PARD3B: variants seen among roughly 807,000 people sequenced by gnomAD.
The protein encoded by PARD3B is partitioning defective 3 homolog B.
Under a neutral mutation model 130.2 loss-of-function variants are expected in PARD3B, and 103 were observed. The observed-to-expected ratio is 0.79, with a 90% CI of 0.67 to 0.93. The LOEUF (loss-of-function observed/expected upper bound fraction) is 0.93. Among genes scored for constraint, PARD3B ranks in the 40% least tolerant of loss-of-function variants. The probability of loss-of-function intolerance (pLI) is 0.00; values close to 1 mark genes in which losing one functional copy is unlikely to be tolerated. For synonymous variants in PARD3B, 583 were observed against 553.2 expected (o/e 1.05, Z -0.76); for missense variants, 1,609 against 1,499.2 (o/e 1.07, Z -1.21).
At chr2:205,113,726 G>T (rs1025333214) in intron 6 of PARD3B, 149 bp downstream of exon 6, 1 of 526,062 alleles carries the variant, frequency 1.9e-6, no homozygotes, top group Non-Finnish European at 3.3e-6. Flanking sequence ...CCACTTAAGT[G>T]TTGGAAACAA....
intron 18 of PARD3B, among the ~76,000 whole-genome samples, chr2:205,396,770 G>A: frequency 6.6e-6 from 1 of 152,152 alleles, no homozygotes; most frequent in Non-Finnish European, 1.5e-5. Flanking sequence ...AATTTCTAAG[G>A]TAACAGATAA....
intron 12 of PARD3B, among the ~76,000 whole-genome samples, chr2:205,174,547 A>C (rs755463928): frequency 6.6e-6 from 1 of 152,230 alleles, no homozygotes; most frequent in Non-Finnish European, 1.5e-5. Flanking sequence ...TCACTGTGTC[A>C]GAGCATATTT....
At chr2:204,720,246 G>A (rs970507802) in intron 2 of PARD3B, among the ~76,000 whole-genome samples, 4 of 152,132 alleles carry the variant, frequency 2.6e-5, no homozygotes, top group African/African-American at 4.8e-5. Context: ...GCTTGGTAAC[G>A]GATAGAAGCT....
chr2:205,330,300 C>G (rs2043075733), intron 18 of PARD3B, among the ~76,000 whole-genome samples: 1 of 151,990 alleles, frequency 6.6e-6, no homozygotes, highest in African/African-American at 2.4e-5. Context: ...AAGATCACGC[C>G]ATGGCACTCC....
chr2:205,284,150 G>GA (rs1228102316), intron 16 of PARD3B, among the ~76,000 whole-genome samples: 3 of 152,114 alleles, frequency 2.0e-5, no homozygotes, highest in Non-Finnish European at 4.4e-5. Context: ...GAACAAAGGG[G>GA]AAAAAAATTA....
At chr2:204,971,180 C>T (rs1691668987) in intron 3 of PARD3B, among the ~76,000 whole-genome samples, 1 of 152,022 alleles carries the variant, frequency 6.6e-6, no homozygotes, top group Non-Finnish European at 1.5e-5. Context: ...AAACCAAATC[C>T]CTTTATGGCG....
At chr2:205,096,750 C>T (rs1262885382) in intron 4 of PARD3B, among the ~76,000 whole-genome samples, 1 of 152,140 alleles carries the variant, frequency 6.6e-6, no homozygotes, top group African/African-American at 2.4e-5. Context: ...ATGATTTTAC[C>T]TGCTCCCAGG....
intron 19 of PARD3B, among the ~76,000 whole-genome samples, chr2:205,439,339 G>A (rs959475361): frequency 1.3e-5 from 2 of 152,186 alleles, no homozygotes; most frequent in African/African-American, 4.8e-5. Context: ...AGCCAGCATC[G>A]TCTTATCTCT....
chr2:204,569,108 G>A (rs920427801), intron 1 of PARD3B, among the ~76,000 whole-genome samples: 3 of 152,144 alleles, frequency 2.0e-5, no homozygotes, highest in African/African-American at 7.2e-5. Flanking sequence ...AATATTGGGA[G>A]TGTGGTGCTG....
rs2045276565 is a variant in PARD3B at position 205,380,230 on chromosome 2, G to GTAAAGAATATATATTATATATAATATA, written c.2631-20762_2631-20736dup. On this transcript the variant is annotated intron_variant, in intron 18 of 22. Coordinates refer to ENST00000406610, the MANE Select transcript of PARD3B (RefSeq NM_001302769.2). ...GTAAAGAATATATATTATATATTAT[G>GTAAAGAATATATATTATATATAATATA]TAAAGAATATATATTATATATAATA... Among the ~76,000 whole-genome samples the GTAAAGAATATATATTATATATAATATA allele has an allele frequency of 1.5e-4, 13 of 84,240 alleles. 4 individuals are homozygous for GTAAAGAATATATATTATATATAATATA. In the East Asian group the frequency reaches 1.9e-3, roughly 12 times the overall value. 55.3% of individuals were successfully genotyped at this position (84,240 alleles called of 152,430 possible).
intron 1 of PARD3B, among the ~76,000 whole-genome samples, chr2:204,566,839 A>G (rs2031698609): frequency 6.6e-6 from 1 of 150,696 alleles, no homozygotes; most frequent in Non-Finnish European, 1.5e-5. Flanking sequence ...AGGCATAAAA[A>G]GTATGTATAC....
At chr2:205,598,350 C>T (rs1465497501) in intron 22 of PARD3B, among the ~76,000 whole-genome samples, 1 of 151,362 alleles carries the variant, frequency 6.6e-6, no homozygotes, top group Admixed American at 6.6e-5. Context: ...GAATGAACAA[C>T]CATCAGAAAG....
intron 11 of PARD3B, among the ~76,000 whole-genome samples, chr2:205,159,540 G>A (rs6738364): frequency 0.035 from 5,300 of 152,280 alleles, 277 homozygotes; most frequent in African/African-American, 0.12. Flanking sequence ...CTTGCTAGCT[G>A]TATGGAAATG....
At chr2:205,543,253 G>A (rs2052241323) in intron 21 of PARD3B, among the ~76,000 whole-genome samples, 1 of 151,960 alleles carries the variant, frequency 6.6e-6, no homozygotes, top group Non-Finnish European at 1.5e-5. Context: ...AAAAAAAACT[G>A]TACATAAACC....
chr2:204,922,999 T>C (rs2047742319), intron 2 of PARD3B, among the ~76,000 whole-genome samples: 1 of 152,138 alleles, frequency 6.6e-6, no homozygotes, highest in Admixed American at 6.6e-5. Flanking sequence ...TATTGCTAGA[T>C]CTCAGAGTTG....
At chr2:205,378,999 G>A (rs2045195769) in intron 18 of PARD3B, among the ~76,000 whole-genome samples, 1 of 151,700 alleles carries the variant, frequency 6.6e-6, no homozygotes, top group Non-Finnish European at 1.5e-5. Flanking sequence ...CTGCTGATAG[G>A]CTCTGATTAA....
At chr2:205,107,073 G>A (rs1362519582) in intron 5 of PARD3B, among the ~76,000 whole-genome samples, 1 of 152,190 alleles carries the variant, frequency 6.6e-6, no homozygotes, top group Non-Finnish European at 1.5e-5. Flanking sequence ...CCACGTAGAA[G>A]CTAAGTAAAT....
At chr2:204,688,422 AC>A (rs2037190170) in intron 2 of PARD3B, among the ~76,000 whole-genome samples, 1 of 151,932 alleles carries the variant, frequency 6.6e-6, no homozygotes, top group Non-Finnish European at 1.5e-5. Flanking sequence ...TACTAAAAAT[AC>A]AAAAAAATTA....
At chr2:205,153,213 C>A (rs1417869216) in intron 10 of PARD3B, among the ~76,000 whole-genome samples, 1 of 152,156 alleles carries the variant, frequency 6.6e-6, no homozygotes, top group African/African-American at 2.4e-5. Context: ...GAGGTGTCTC[C>A]CAGTTAGGCT....
Sources: gnomAD v4.1 joint callset for allele counts (sites outside exome capture counted in the v4.1 genomes callset) on GRCh38, gnomAD v4.1.1 for gene constraint, MANE v1.5 for transcripts, NCBI Gene and HGNC (gene_info 2026-07-23, HGNC 2026-07-21) for gene names.